Variants in PDE1A observed in about 807,000 individuals in gnomAD.
PDE1A encodes dual specificity calcium/calmodulin-dependent 3',5'-cyclic nucleotide phosphodiesterase 1A.
Under a neutral mutation model 61.7 loss-of-function variants are expected in PDE1A, and 35 were observed. That is an observed-to-expected ratio of 0.57 (90% CI 0.43 to 0.75). The LOEUF (loss-of-function observed/expected upper bound fraction) is 0.75. Among genes scored for constraint, PDE1A ranks in the 30% least tolerant of loss-of-function variants. The probability of loss-of-function intolerance (pLI) is 0.00; values close to 1 mark genes in which losing one functional copy is unlikely to be tolerated. For missense variants in PDE1A, 597 were observed against 630.6 expected, an observed-to-expected ratio of 0.95 and a Z score of 0.57; for synonymous variants, 232 against 213.2, an observed-to-expected ratio of 1.09 and a Z score of -0.77.
At chr2:182,409,769 G>C (rs1242058638) in intron 1 of PDE1A, among the ~76,000 whole-genome samples, 1 of 152,094 alleles carries the variant, frequency 6.6e-6, no homozygotes, top group African/African-American at 2.4e-5. Flanking sequence ...AAGTGCAGTG[G>C]TCAGGAACAT....
At chr2:182,439,741 C>G (rs1684670498) in intron 2 of PDE1A, among the ~76,000 whole-genome samples, 1 of 152,010 alleles carries the variant, frequency 6.6e-6, no homozygotes, top group Non-Finnish European at 1.5e-5. Context: ...TCTGATTAGG[C>G]ACACAAAACA....
chr2:182,658,969 A>C, the PDE1A span, among the ~76,000 whole-genome samples: 1 of 152,186 alleles, frequency 6.6e-6, no homozygotes, highest in African/African-American at 2.4e-5. Flanking sequence ...TACTATTGAC[A>C]GGGACTGGAA....
At position 182,226,282 on chromosome 2, in the gene PDE1A, T is replaced by C. The variant is rs184745161; in HGVS notation, c.676-2318A>G. 1.9e-3 allele frequency among the ~76,000 whole-genome samples: 283 copies of C among 149,984 alleles called. 39 individuals carry two copies. The highest frequency in any genetic ancestry group is 6.9e-3 in the African/African-American group (272 of 39,556). On this transcript the variant is annotated intron_variant, in intron 6 of 13. Coordinates refer to ENST00000351439, the Ensembl canonical transcript of PDE1A. ...AATTAGTGATTGACTCATAAATATT[T>C]ACAATTATTATCTTGCTAGCTGTGA...
At chr2:182,505,363 T>C (rs114714627) in intron 2 of PDE1A, among the ~76,000 whole-genome samples, 1,639 of 152,284 alleles carry the variant, frequency 0.011, 7 homozygotes, top group Middle Eastern at 0.027. Flanking sequence ...GAGTCGACTT[T>C]TACCTCAATC....
At chr2:182,281,609 A>G (rs1016259131) in intron 1 of PDE1A, among the ~76,000 whole-genome samples, 4 of 152,014 alleles carry the variant, frequency 2.6e-5, no homozygotes, top group Non-Finnish European at 5.9e-5. Flanking sequence ...CTCTATGTAC[A>G]CCATATTCAA....
intron 11 of PDE1A, 102 bp downstream of exon 11, chr2:182,188,877 T>C: frequency 1.4e-6 from 1 of 721,906 alleles, no homozygotes; most frequent in South Asian, 1.7e-5. Context: ...GAATATGGAG[T>C]GAGGTTTTCA....
At chr2:182,580,458 A>G in the PDE1A span, among the ~76,000 whole-genome samples, 15,407 of 152,096 alleles carry the variant, frequency 0.1, 2,529 homozygotes, top group African/African-American at 0.35. Context: ...GATACTAGTC[A>G]TATTAGATTA....
At chr2:182,384,625 G>A (rs975678719) in intron 1 of PDE1A, among the ~76,000 whole-genome samples, 1 of 151,604 alleles carries the variant, frequency 6.6e-6, no homozygotes, top group African/African-American at 2.4e-5. Context: ...AGTCAGAAGA[G>A]GGAAAAAAAT....
At chr2:182,574,325 G>A in the PDE1A span, among the ~76,000 whole-genome samples, 21 of 152,158 alleles carry the variant, frequency 1.4e-4, no homozygotes, top group Admixed American at 9.8e-4. Flanking sequence ...ACTCAGGGTC[G>A]ATGCTTTACA....
chr2:182,708,747 C>T, the PDE1A span, among the ~76,000 whole-genome samples: 3 of 152,112 alleles, frequency 2.0e-5, no homozygotes, highest in African/African-American at 2.4e-5. Flanking sequence ...ATATTACTAC[C>T]TATGTTGGAA....
intron 13 of PDE1A, among the ~76,000 whole-genome samples, chr2:182,155,726 C>T (rs1375592343): frequency 6.6e-6 from 1 of 152,140 alleles, no homozygotes; most frequent in Non-Finnish European, 1.5e-5. Flanking sequence ...CCCGTCTCTA[C>T]TAAAAATACA....
chr2:182,159,566 C>A (rs552993884), intron 13 of PDE1A, among the ~76,000 whole-genome samples: 1 of 152,274 alleles, frequency 6.6e-6, no homozygotes, highest in Admixed American at 6.5e-5. Context: ...TTATATATAT[C>A]AAAATCATCT....
chr2:182,168,162 G>A, exon 14 of PDE1A: 1 of 1,541,416 alleles, frequency 6.5e-7, no homozygotes. Flanking sequence ...GGACAGGGTA[G>A]ATTTCCAGCA....
At chr2:182,400,832 G>A (rs1057066637) in intron 1 of PDE1A, among the ~76,000 whole-genome samples, 4 of 152,118 alleles carry the variant, frequency 2.6e-5, no homozygotes, top group Non-Finnish European at 4.4e-5. Context: ...CTCTAAACTC[G>A]TCACAGAGAT....
chr2:182,501,001 C>G (rs1267885397), intron 2 of PDE1A, among the ~76,000 whole-genome samples: 1 of 152,104 alleles, frequency 6.6e-6, no homozygotes, highest in African/African-American at 2.4e-5. Context: ...AAATTTCAAC[C>G]AAAACGAACT....
chr2:182,146,554 C>T (rs1690505657), downstream of PDE1A, among the ~76,000 whole-genome samples: 1 of 152,042 alleles, frequency 6.6e-6, no homozygotes, highest in African/African-American at 2.4e-5. Flanking sequence ...GGCCTGATCT[C>T]GCTCACTGCA....
chr2:182,381,785 C>G (rs11676559), intron 1 of PDE1A, among the ~76,000 whole-genome samples: 2 of 151,956 alleles, frequency 1.3e-5, no homozygotes, highest in African/African-American at 4.8e-5. Flanking sequence ...GCACTCCAGC[C>G]TGGGTGACAG....
rs991370011 is a variant in PDE1A, at chr2:182,508,266, C to T, written c.101+14010G>A. ...ATAGTAAAGGCCATATACAACAAAT[C>T]GATAGCTAACATTATAATCAACGGT... On this transcript the variant is annotated intron_variant, in intron 2 of 14. Transcript: ENST00000410103. Among the ~76,000 whole-genome samples, 4 of 151,544 alleles carry T rather than the reference C, an allele frequency of 2.6e-5. No homozygotes were observed. In the South Asian group the frequency reaches 6.3e-4, roughly 24 times the overall value.
chr2:182,673,286 A>C, the PDE1A span, among the ~76,000 whole-genome samples: 1 of 152,212 alleles, frequency 6.6e-6, no homozygotes, highest in African/African-American at 2.4e-5. Context: ...TATTGTCTTC[A>C]TCTGAACATG....
Sources: gnomAD v4.1 joint callset for allele counts (sites outside exome capture counted in the v4.1 genomes callset) on GRCh38, gnomAD v4.1.1 for gene constraint, MANE v1.5 for transcripts, NCBI Gene and HGNC (gene_info 2026-07-23, HGNC 2026-07-21) for gene names.